ASIC2: variants seen among roughly 807,000 people sequenced by gnomAD.
The protein encoded by ASIC2 is acid sensing ion channel subunit 2, also known as acid-sensing ion channel 2.
A neutral mutation model predicts 57.3 loss-of-function variants in ASIC2; 25 were observed. The observed-to-expected ratio is 0.44, with a 90% CI of 0.32 to 0.61. The LOEUF (loss-of-function observed/expected upper bound fraction) is 0.61, where lower values mean the gene tolerates loss of function less well. Among genes scored for constraint, ASIC2 ranks in the 20% least tolerant of loss-of-function variants. The pLI, the probability that ASIC2 is intolerant of heterozygous loss-of-function variation, is 0.06. For missense variants in ASIC2, 641 were observed against 738.1 expected, an observed-to-expected ratio of 0.87 and a Z score of 1.52; for synonymous variants, 319 against 307.5, an observed-to-expected ratio of 1.04 and a Z score of -0.39.
In ASIC2 at chr17:33,998,566, G is replaced by A. The variant is rs528906151; in HGVS notation, c.555+157412C>T. ...TATCCCATAAGTTTTGGTATGTTGT[G>A]TTTTCATTTTCATTTTTCTCAAGAT... On this transcript the variant is annotated intron_variant, in intron 1 of 9. Transcript: ENST00000359872. 3.3e-5 allele frequency among the ~76,000 whole-genome samples: 5 copies of A among 151,856 alleles called. No homozygotes were observed. In the East Asian group the frequency reaches 9.7e-4, roughly 29 times the overall value.
At chr17:33,883,898 C>T (rs1040939697) in intron 1 of ASIC2, among the ~76,000 whole-genome samples, 20 of 151,758 alleles carry the variant, frequency 1.3e-4, no homozygotes, top group East Asian at 3.8e-4. Context: ...TTTTTTTGCA[C>T]GGATGAGCAA....
intron 1 of ASIC2, among the ~76,000 whole-genome samples, chr17:33,633,226 C>T (rs1474379387): frequency 6.6e-6 from 1 of 152,172 alleles, no homozygotes; most frequent in African/African-American, 2.4e-5. Flanking sequence ...GGGCTTGCCA[C>T]AGCGCTCCTG....
chr17:33,143,177 T>A (rs141344456), intron 1 of ASIC2, among the ~76,000 whole-genome samples: 334 of 152,314 alleles, frequency 2.2e-3, no homozygotes, highest in African/African-American at 7.7e-3. Context: ...CCGCTGAGTC[T>A]TTCTTAGATC....
chr17:33,735,783 G>T (rs560701948), intron 1 of ASIC2, among the ~76,000 whole-genome samples: 2 of 152,170 alleles, frequency 1.3e-5, no homozygotes, highest in African/African-American at 2.4e-5. Flanking sequence ...GATTAGAAGG[G>T]TCTCCCTCCC....
intron 1 of ASIC2, chr17:34,051,865 AGAGAGAGAGCGAGAGAGC>A (rs1567801911): frequency 5.1e-5 from 5 of 97,932 alleles, no homozygotes; most frequent in African/African-American, 2.2e-4. Context: ...ACACAGAGAG[AGAGAGAGAGCGAGAGAGC>A]GAGAGAGCGA....
At chr17:33,519,529 A>G (rs11870629) in intron 1 of ASIC2, among the ~76,000 whole-genome samples, 31,118 of 152,048 alleles carry the variant, frequency 0.2, 3,267 homozygotes, top group East Asian at 0.29. Flanking sequence ...GCCACTTTCC[A>G]GGTTCATGGG....
chr17:33,947,314 G>C (rs1302233386), intron 1 of ASIC2, among the ~76,000 whole-genome samples: 1 of 152,200 alleles, frequency 6.6e-6, no homozygotes, highest in African/African-American at 2.4e-5. Context: ...TCCAGGAAAA[G>C]GAGTACAGCT....
chr17:33,278,856 C>A (rs533455713), intron 1 of ASIC2, among the ~76,000 whole-genome samples: 1 of 151,904 alleles, frequency 6.6e-6, no homozygotes, highest in African/African-American at 2.4e-5. Flanking sequence ...GGTGCTGGGA[C>A]AGCTACAGGA....
chr17:34,130,122 C>A (rs886373299), intron 1 of ASIC2, among the ~76,000 whole-genome samples: 1 of 152,202 alleles, frequency 6.6e-6, no homozygotes, highest in African/African-American at 2.4e-5. Context: ...TTCATTTGCA[C>A]ATCATGAAAG....
chr17:33,683,312 C>A (rs1908069563), intron 1 of ASIC2, among the ~76,000 whole-genome samples: 1 of 152,214 alleles, frequency 6.6e-6, no homozygotes, highest in Non-Finnish European at 1.5e-5. Flanking sequence ...GTGATCCACC[C>A]ACCTTGGCCT....
chr17:33,476,503 GCATATATATATA>G (rs1463166313), intron 1 of ASIC2, among the ~76,000 whole-genome samples: 6,668 of 95,218 alleles, frequency 0.07, 274 homozygotes, highest in South Asian at 0.17. Context: ...GTGTGTGTGT[GCATATATATATA>G]TATATATATA....
rs150964524 is a variant in ASIC2, at chr17:34,097,753, C to A, written c.555+58225G>T. Among the ~76,000 whole-genome samples the A allele has an allele frequency of 1.8e-3, 276 of 152,250 alleles. 3 individuals carry two copies. The highest frequency in any genetic ancestry group is 6.2e-3 in the African/African-American group (259 of 41,538). Reference sequence around the variant, plus strand: ...GGAACTCATGGATACAGAGGCCCAACTATGCTTTATTATGGCAGCCCTAAG... The same window carrying A: ...GGAACTCATGGATACAGAGGCCCAAATATGCTTTATTATGGCAGCCCTAAG... On this transcript the variant is annotated intron_variant, in intron 1 of 9. Transcript: ENST00000359872.
chr17:33,070,799 G>T (rs1258353963), intron 3 of ASIC2, among the ~76,000 whole-genome samples: 1 of 152,130 alleles, frequency 6.6e-6, no homozygotes, highest in African/African-American at 2.4e-5. Flanking sequence ...CTGGAGTAAG[G>T]ATCTGCTGGC....
At chr17:33,826,041 T>C (rs1912897871) in intron 1 of ASIC2, among the ~76,000 whole-genome samples, 1 of 152,200 alleles carries the variant, frequency 6.6e-6, no homozygotes, top group African/African-American at 2.4e-5. Flanking sequence ...GATACTTTAA[T>C]GGTACACTGA....
chr17:33,625,151 CTA>C (rs1491263698), intron 1 of ASIC2, among the ~76,000 whole-genome samples: 7 of 152,106 alleles, frequency 4.6e-5, no homozygotes, highest in Non-Finnish European at 1.0e-4. Context: ...ATCTATCTAT[CTA>C]TCTATCTATC....
chr17:33,770,763 G>C (rs561374095), intron 1 of ASIC2, among the ~76,000 whole-genome samples: 1 of 152,276 alleles, frequency 6.6e-6, no homozygotes, highest in African/African-American at 2.4e-5. Context: ...TAGCATTAAT[G>C]CTTTTCAGAT....
chr17:33,593,742 A>T (rs1410556201), intron 1 of ASIC2, among the ~76,000 whole-genome samples: 1 of 152,212 alleles, frequency 6.6e-6, no homozygotes, highest in African/African-American at 2.4e-5. Flanking sequence ...AAGGGTAATA[A>T]GTAATTTTGA....
intron 1 of ASIC2, among the ~76,000 whole-genome samples, chr17:33,663,408 G>T (rs993517056): frequency 2.0e-5 from 3 of 151,722 alleles, no homozygotes; most frequent in Non-Finnish European, 4.4e-5. Context: ...GAGTGAAGAA[G>T]TGTGTTTTGC....
intron 1 of ASIC2, among the ~76,000 whole-genome samples, chr17:33,458,658 C>T (rs1427789118): frequency 6.6e-6 from 1 of 152,150 alleles, no homozygotes; most frequent in Non-Finnish European, 1.5e-5. Flanking sequence ...TAGCACAAAA[C>T]AAGCACTCAT....
Sources: gnomAD v4.1 joint callset for allele counts (sites outside exome capture counted in the v4.1 genomes callset) on GRCh38, gnomAD v4.1.1 for gene constraint, MANE v1.5 for transcripts, NCBI Gene and HGNC (gene_info 2026-07-23, HGNC 2026-07-21) for gene names.